The following CLSTN2 variants were observed in gnomAD, a reference collection of about 807,000 sequenced individuals.
The protein encoded by CLSTN2 is calsyntenin 2, also known as calsyntenin-2.
Under a neutral mutation model 101.2 loss-of-function variants are expected in CLSTN2, and 48 were observed. The ratio of observed to expected loss-of-function variants is 0.47; its 90% CI spans 0.38 to 0.60. CLSTN2 has a LOEUF of 0.60. Ranked by LOEUF, CLSTN2 falls within the 20% of genes least tolerant of loss-of-function variation. CLSTN2 has a pLI of 0.00. For missense variants in CLSTN2, 1,160 were observed against 1,238.2 expected (o/e 0.94, Z 0.95); for synonymous variants, 481 against 463.6 (o/e 1.04, Z -0.48).
chr3:140,340,101 G>A (rs2087477613), intron 2 of CLSTN2, among the ~76,000 whole-genome samples: 1 of 142,822 alleles, frequency 7.0e-6, no homozygotes, highest in South Asian at 2.3e-4. Context: ...AATGGTACAA[G>A]TCTAGGCTCC....
intron 1 of CLSTN2, among the ~76,000 whole-genome samples, chr3:140,066,483 G>A (rs2008301918): frequency 6.6e-6 from 1 of 152,214 alleles, no homozygotes; most frequent in South Asian, 2.1e-4. Flanking sequence ...ATTAAAGTCT[G>A]ACTGATTTTT....
chr3:140,533,281 A>G (rs1336197848), intron 9 of CLSTN2, among the ~76,000 whole-genome samples: 1 of 152,130 alleles, frequency 6.6e-6, no homozygotes, highest in Non-Finnish European at 1.5e-5. Context: ...AGGATATGAA[A>G]ATGCTCCCCA....
chr3:140,190,171 C>T (rs1368966719), intron 2 of CLSTN2, among the ~76,000 whole-genome samples: 1 of 152,102 alleles, frequency 6.6e-6, no homozygotes, highest in African/African-American at 2.4e-5. Flanking sequence ...TGGGGGATTA[C>T]GTTTCAACAT....
intron 1 of CLSTN2, among the ~76,000 whole-genome samples, chr3:139,984,253 T>C (rs1385787906): frequency 1.3e-5 from 2 of 152,144 alleles, no homozygotes; most frequent in Admixed American, 6.5e-5. Flanking sequence ...CAGAAACTAT[T>C]CTCCAGGATG....
chr3:140,145,055 C>T (rs72986156), intron 1 of CLSTN2, among the ~76,000 whole-genome samples: 2,256 of 152,332 alleles, frequency 0.015, 43 homozygotes, highest in African/African-American at 0.049. Context: ...GTTTGATTAA[C>T]GGATTATTCC....
chr3:140,183,804 C>T (rs2010444617), intron 2 of CLSTN2, among the ~76,000 whole-genome samples: 3 of 152,184 alleles, frequency 2.0e-5, no homozygotes, highest in Admixed American at 1.3e-4. Context: ...ATAATTTTAA[C>T]AACAATCCTC....
At chr3:140,238,876 C>T (rs563243067) in intron 2 of CLSTN2, among the ~76,000 whole-genome samples, 1 of 152,070 alleles carries the variant, frequency 6.6e-6, no homozygotes, top group Admixed American at 6.6e-5. Context: ...AATCATAGAA[C>T]GATTAAGGCA....
At chr3:140,400,333 C>G (rs2088227166) in intron 2 of CLSTN2, among the ~76,000 whole-genome samples, 1 of 152,202 alleles carries the variant, frequency 6.6e-6, no homozygotes, top group Non-Finnish European at 1.5e-5. Context: ...TTGCAGCCTT[C>G]TCCTCTGCTC....
Position 140,381,082 on chromosome 3 carries a change from T to C in CLSTN2, c.233-22547T>C, listed in dbSNP as rs556650163. On this transcript the variant is annotated intron_variant, in intron 2 of 16. Coordinates refer to ENST00000458420, the MANE Select transcript of CLSTN2 (RefSeq NM_022131.3). ...ATTGGCAGGGTCATGCTGCCTCTGA[T>C]GGCTAAAGGGGAGGATCTTTCCTCG... 5.3e-5 allele frequency among the ~76,000 whole-genome samples: 8 copies of C among 152,338 alleles called. No individual in the cohort carries two copies. The South Asian group carries it at 1.7e-3, about 32-fold the overall frequency.
chr3:140,445,520 A>G (rs1359274164), intron 5 of CLSTN2, among the ~76,000 whole-genome samples: 6 of 152,306 alleles, frequency 3.9e-5, no homozygotes, highest in Non-Finnish European at 5.9e-5. Context: ...GTGCACACCA[A>G]GCTCCCACTC....
intron 8 of CLSTN2, among the ~76,000 whole-genome samples, chr3:140,485,213 G>C (rs1276347055): frequency 6.6e-6 from 1 of 152,232 alleles, no homozygotes. Flanking sequence ...GAGTTTGCTA[G>C]AGGTCCACTC....
intron 6 of CLSTN2, among the ~76,000 whole-genome samples, chr3:140,451,069 T>C (rs1433981808): frequency 1.3e-5 from 2 of 152,160 alleles, no homozygotes; most frequent in African/African-American, 4.8e-5. Flanking sequence ...TTTGAAGGAA[T>C]ACCCTACTTT....
intron 6 of CLSTN2, among the ~76,000 whole-genome samples, chr3:140,450,609 G>C (rs1256490501): frequency 6.6e-6 from 1 of 152,110 alleles, no homozygotes; most frequent in Non-Finnish European, 1.5e-5. Flanking sequence ...TCCTCCAAAA[G>C]AAAAGGAGGC....
At chr3:140,540,364 C>T (rs749128324) in intron 9 of CLSTN2, among the ~76,000 whole-genome samples, 19 of 152,220 alleles carry the variant, frequency 1.2e-4, no homozygotes, top group Non-Finnish European at 2.2e-4. Flanking sequence ...CCCCACAAGC[C>T]ACCTGCAGCC....
At chr3:140,041,938 A>G (rs1040457302) in intron 1 of CLSTN2, among the ~76,000 whole-genome samples, 2 of 152,214 alleles carry the variant, frequency 1.3e-5, no homozygotes, top group African/African-American at 4.8e-5. Flanking sequence ...CTTCTGCTCC[A>G]TCTACATGCC....
intron 2 of CLSTN2, among the ~76,000 whole-genome samples, chr3:140,348,839 A>G (rs80012088): frequency 0.025 from 3,859 of 152,230 alleles, 157 homozygotes; most frequent in African/African-American, 0.088. Context: ...ACATGCACAG[A>G]GATGTTCTCT....
intron 5 of CLSTN2, among the ~76,000 whole-genome samples, chr3:140,434,722 AT>A (rs2088669703): frequency 6.6e-6 from 1 of 152,176 alleles, no homozygotes; most frequent in South Asian, 2.1e-4. Flanking sequence ...CCTCCAGGGC[AT>A]TTCCGTCCAC....
chr3:140,531,327 A>G (rs1390996841), intron 8 of CLSTN2, among the ~76,000 whole-genome samples: 1 of 152,218 alleles, frequency 6.6e-6, no homozygotes. Context: ...AACATTAATG[A>G]AAAAAATCTT....
chr3:140,208,213 T>C (rs903992736), intron 2 of CLSTN2, among the ~76,000 whole-genome samples: 1 of 152,206 alleles, frequency 6.6e-6, no homozygotes, highest in African/African-American at 2.4e-5. Flanking sequence ...TATAGTTATT[T>C]CCAAGGTTAT....
Sources: gnomAD v4.1 joint callset for allele counts (sites outside exome capture counted in the v4.1 genomes callset) on GRCh38, gnomAD v4.1.1 for gene constraint, MANE v1.5 for transcripts, NCBI Gene and HGNC (gene_info 2026-07-23, HGNC 2026-07-21) for gene names.